The following DCDC1 variants were observed in gnomAD, a reference collection of about 807,000 sequenced individuals.
The protein encoded by DCDC1 is doublecortin domain containing 1, also known as doublecortin domain-containing protein 1.
Under a neutral mutation model 178.3 loss-of-function variants are expected in DCDC1, and 200 were observed. That is an observed-to-expected ratio of 1.12 (90% CI 1.00 to 1.26). DCDC1 has a LOEUF of 1.26. Among genes scored for constraint, DCDC1 ranks in the 50% most tolerant of loss-of-function variants. DCDC1 has a pLI of 0.00. For missense variants in DCDC1, 1,983 were observed against 1,749.2 expected, an observed-to-expected ratio of 1.13 and a Z score of -2.38; for synonymous variants, 690 against 604.8, an observed-to-expected ratio of 1.14 and a Z score of -2.07.
chr11:31,167,299 A>C (rs1966844868), intron 9 of DCDC1, among the ~76,000 whole-genome samples: 1 of 152,186 alleles, frequency 6.6e-6, no homozygotes, highest in African/African-American at 2.4e-5. Flanking sequence ...TGACTTGTTA[A>C]AACTTAAACA....
chr11:31,051,263 C>T (rs1955229150), intron 20 of DCDC1, among the ~76,000 whole-genome samples: 2 of 152,086 alleles, frequency 1.3e-5, no homozygotes, highest in South Asian at 4.2e-4. Context: ...ATTAACAATC[C>T]AACAAAGACA....
At chr11:30,971,089 T>C (rs1949750886) in intron 20 of DCDC1, among the ~76,000 whole-genome samples, 1 of 152,170 alleles carries the variant, frequency 6.6e-6, no homozygotes, top group Non-Finnish European at 1.5e-5. Context: ...AACTCCATCC[T>C]AATCCACTGA....
At chr11:31,348,295 G>A (rs1049426216) in intron 1 of DCDC1, among the ~76,000 whole-genome samples, 3 of 152,114 alleles carry the variant, frequency 2.0e-5, no homozygotes, top group Non-Finnish European at 4.4e-5. Context: ...GCAGAGAAAA[G>A]CATGCATGTG....
intron 20 of DCDC1, among the ~76,000 whole-genome samples, chr11:31,037,188 A>G (rs1158477480): frequency 6.6e-6 from 1 of 152,182 alleles, no homozygotes; most frequent in Non-Finnish European, 1.5e-5. Context: ...CCAGTGTTGC[A>G]GTAGGATTAC....
chr11:31,119,943 T>C (rs1960552303), intron 11 of DCDC1, among the ~76,000 whole-genome samples: 1 of 152,160 alleles, frequency 6.6e-6, no homozygotes, highest in African/African-American at 2.4e-5. Context: ...TGTATGAAAA[T>C]AATCGTGGCC....
chr11:31,267,734 G>T lies in DCDC1; in HGVS notation c.961-2134C>A, dbSNP rs34886812. Among the ~76,000 whole-genome samples, 725 of 152,264 alleles carry T rather than the reference G, an allele frequency of 4.8e-3. 4 individuals are homozygous for T. Among genetic ancestry groups the T allele is most frequent in the Non-Finnish European group, 8.5e-3 (576 of 68,020 alleles). On this transcript the variant is annotated intron_variant, in intron 7 of 38. Coordinates refer to ENST00000684477, the MANE Select transcript of DCDC1 (RefSeq NM_001387274.1). The stretch of plus-strand genomic sequence containing the variant: ...CTGAAACCTTTACTAAAGATGCTGG[G>T]AAAGCAATGTTGAAAATATAAAAAA...
intron 9 of DCDC1, among the ~76,000 whole-genome samples, chr11:31,176,801 G>T (rs760912504): frequency 6.6e-6 from 1 of 152,100 alleles, no homozygotes; most frequent in Non-Finnish European, 1.5e-5. Flanking sequence ...TATCCACAAA[G>T]CTATCCTTAA....
At chr11:31,264,985 C>T (rs1178060187) in intron 8 of DCDC1, among the ~76,000 whole-genome samples, 1 of 151,780 alleles carries the variant, frequency 6.6e-6, no homozygotes, top group Non-Finnish European at 1.5e-5. Context: ...TTTTTCAGAC[C>T]AATTGATAAC....
intron 21 of DCDC1, among the ~76,000 whole-genome samples, chr11:30,948,287 C>A (rs1399810479): frequency 6.6e-6 from 1 of 152,114 alleles, no homozygotes; most frequent in African/African-American, 2.4e-5. Context: ...CCTAGGAATA[C>A]AACTTACAAG....
intron 2 of DCDC1, among the ~76,000 whole-genome samples, chr11:31,329,738 T>C (rs537137907): frequency 3.9e-5 from 6 of 152,340 alleles, no homozygotes; most frequent in Admixed American, 1.3e-4. Context: ...CTCATCCTTT[T>C]TTATGGCTGC....
intron 9 of DCDC1, among the ~76,000 whole-genome samples, chr11:31,179,213 G>A (rs564661643): frequency 6.6e-6 from 1 of 152,240 alleles, no homozygotes; most frequent in African/African-American, 2.4e-5. Flanking sequence ...GGAGAAAAGG[G>A]AAAAGGAAAA....
At chr11:31,140,186 G>A (rs1295925215) in intron 9 of DCDC1, among the ~76,000 whole-genome samples, 3 of 152,042 alleles carry the variant, frequency 2.0e-5, no homozygotes, top group East Asian at 1.9e-4. Flanking sequence ...ATATGCTTTC[G>A]ATTTGCTGTT....
chr11:30,988,745 T>A (rs1322042098), intron 20 of DCDC1, among the ~76,000 whole-genome samples: 5 of 152,166 alleles, frequency 3.3e-5, no homozygotes, highest in Non-Finnish European at 4.4e-5. Context: ...AATCTTATAA[T>A]GTTTTAAGAA....
chr11:31,254,676 G>T (rs1944295234), intron 8 of DCDC1, among the ~76,000 whole-genome samples: 1 of 152,118 alleles, frequency 6.6e-6, no homozygotes, highest in Non-Finnish European at 1.5e-5. Flanking sequence ...TCTTGCCTGG[G>T]CTTGCTCACA....
At chr11:30,905,642 C>T (rs1297257555) in intron 30 of DCDC1, among the ~76,000 whole-genome samples, 1 of 152,100 alleles carries the variant, frequency 6.6e-6, no homozygotes, top group East Asian at 1.9e-4. Flanking sequence ...CCTTTTCATC[C>T]CAACCTAGGA....
intron 11 of DCDC1, among the ~76,000 whole-genome samples, chr11:31,116,955 T>C (rs928840182): frequency 1.3e-5 from 2 of 152,134 alleles, no homozygotes; most frequent in Non-Finnish European, 2.9e-5. Context: ...TTGTAAGATA[T>C]AGCAGAGCTC....
chr11:30,928,555 A>G, intron 22 of DCDC1, among the ~76,000 whole-genome samples: 1 of 1,136 alleles, frequency 8.8e-4, no homozygotes, highest in African/African-American at 3.9e-3. Context: ...AGAGTTGGCC[A>G]TTCAGAAAGC....
intron 36 of DCDC1, among the ~76,000 whole-genome samples, chr11:30,885,314 T>A (rs1477375909): frequency 6.6e-6 from 1 of 151,710 alleles, no homozygotes; most frequent in Non-Finnish European, 1.5e-5. Flanking sequence ...TGAATCTTTA[T>A]ATGACCTCAG....
intron 38 of DCDC1, among the ~76,000 whole-genome samples, chr11:30,872,087 C>T (rs551944642): frequency 6.6e-6 from 1 of 151,994 alleles, no homozygotes; most frequent in Non-Finnish European, 1.5e-5. Context: ...CTTAGCACTA[C>T]GTACAAGGCC....
Sources: gnomAD v4.1 joint callset for allele counts (sites outside exome capture counted in the v4.1 genomes callset) on GRCh38, gnomAD v4.1.1 for gene constraint, MANE v1.5 for transcripts, NCBI Gene and HGNC (gene_info 2026-07-23, HGNC 2026-07-21) for gene names.